The following MRTFA variants were observed in gnomAD, a reference collection of about 807,000 sequenced individuals.
MRTFA encodes myocardin related transcription factor A, also known as myocardin-related transcription factor A.
MRTFA carries 20 observed loss-of-function variants against 83.5 expected under a neutral mutation model. That is an observed-to-expected ratio of 0.24 (90% confidence interval 0.17 to 0.35). The LOEUF (loss-of-function observed/expected upper bound fraction) is 0.35, where lower values mean the gene tolerates loss of function less well. MRTFA is among the 10% of genes least tolerant of loss of function. The probability of loss-of-function intolerance (pLI) is 1.00; values close to 1 mark genes in which losing one functional copy is unlikely to be tolerated. For missense variants in MRTFA, 1,200 were observed against 1,224.7 expected, an observed-to-expected ratio of 0.98 and a Z score of 0.30; for synonymous variants, 659 against 541.2, an observed-to-expected ratio of 1.22 and a Z score of -3.02.
At chr22:40,420,167 C>T (rs2052798329) in intron 11 of MRTFA, among the ~76,000 whole-genome samples, 1 of 152,226 alleles carries the variant, frequency 6.6e-6, no homozygotes, top group Non-Finnish European at 1.5e-5. Flanking sequence ...GCTGTGCTGC[C>T]AACAACAGGA....
At chr22:40,534,768 G>GT (rs1336322024) in intron 3 of MRTFA, among the ~76,000 whole-genome samples, 2 of 152,216 alleles carry the variant, frequency 1.3e-5, no homozygotes, top group Non-Finnish European at 2.9e-5. Context: ...AAGAATCCAT[G>GT]TTTGGTGTGT....
chr22:40,453,479 T>C (rs942233270), intron 4 of MRTFA, among the ~76,000 whole-genome samples: 16 of 152,282 alleles, frequency 1.1e-4, no homozygotes, highest in Middle Eastern at 6.8e-3. Flanking sequence ...GGGTGGATCA[T>C]AGCCAAACTT....
chr22:40,569,586 C>T lies in MRTFA; in HGVS notation c.-21-17219G>A, dbSNP rs777098956. On this transcript the variant is annotated intron_variant, in intron 2 of 14. Coordinates refer to ENST00000355630, the MANE Select transcript of MRTFA (RefSeq NM_020831.6). The stretch of plus-strand genomic sequence containing the variant: ...TAAAAATACAAAAATTAGTTGGGCA[C>T]GATGGCAGCTGCCTGTAATCTCAGC... 5.3e-5 allele frequency among the ~76,000 whole-genome samples: 8 copies of T among 152,112 alleles called. 1 individual carries two copies. The South Asian group carries it at 6.2e-4, about 12-fold the overall frequency.
At chr22:40,609,284 C>T (rs2056355935) in intron 1 of MRTFA, among the ~76,000 whole-genome samples, 1 of 144,092 alleles carries the variant, frequency 6.9e-6, no homozygotes, top group African/African-American at 2.6e-5. Flanking sequence ...GAGCAAGACT[C>T]CTTCTCAAAA....
At chr22:40,628,819 C>T (rs116883010) in intron 1 of MRTFA, among the ~76,000 whole-genome samples, 78 of 152,250 alleles carry the variant, frequency 5.1e-4, no homozygotes, top group Admixed American at 2.7e-3. Context: ...AGTGCCTCCT[C>T]CCACTAAACA....
At position 40,538,985 on chromosome 22, in the gene MRTFA, C is replaced by CTTTTTTTTTTTTTTTTTTTTTTTTTTT. The variant is rs201694198; in HGVS notation, c.241+13120_241+13121insAAAAAAAAAAAAAAAAAAAAAAAAAAA. 6.5e-5 allele frequency among the ~76,000 whole-genome samples: 7 copies of CTTTTTTTTTTTTTTTTTTTTTTTTTTT among 106,888 alleles called. 3 individuals carry two copies. Among genetic ancestry groups the CTTTTTTTTTTTTTTTTTTTTTTTTTTT allele is most frequent in the Admixed American group, 2.5e-4 (2 of 8,100 alleles). The allele number at this position is 106,888 out of a possible 152,430, so 70.1% of individuals were successfully genotyped here. A position where few individuals can be genotyped will look rare whatever the true frequency, so the allele number is the denominator to read the frequency against. ...GACATTATACTGCAGGATACACAGC[C>CTTTTTTTTTTTTTTTTTTTTTTTTTTT]TTTTGTTTTTTTTTTTTTTTTTTTT... is the stretch of plus-strand genomic sequence containing the variant. On this transcript the variant is annotated intron_variant, in intron 3 of 14. Coordinates refer to ENST00000355630, the MANE Select transcript of MRTFA (RefSeq NM_020831.6).
chr22:40,507,680 G>A (rs1269919323), intron 3 of MRTFA, among the ~76,000 whole-genome samples: 3 of 151,882 alleles, frequency 2.0e-5, no homozygotes, highest in East Asian at 3.9e-4. Context: ...TAAAGAAGTT[G>A]ATTTAGGCCA....
intron 3 of MRTFA, among the ~76,000 whole-genome samples, chr22:40,536,321 C>A (rs891728188): frequency 6.6e-6 from 1 of 151,224 alleles, no homozygotes; most frequent in African/African-American, 2.4e-5. Context: ...AATAAATGGG[C>A]CGAAGCCGCC....
chr22:40,560,982 G>A (rs112877506), intron 2 of MRTFA, among the ~76,000 whole-genome samples: 11 of 152,250 alleles, frequency 7.2e-5, no homozygotes, highest in East Asian at 3.9e-4. Context: ...GGTTCTATGC[G>A]ACCAAATGGT....
chr22:40,621,025 C>CA (rs765619473), intron 1 of MRTFA, among the ~76,000 whole-genome samples: 1 of 151,566 alleles, frequency 6.6e-6, no homozygotes, highest in Non-Finnish European at 1.5e-5. Flanking sequence ...ACAAAAAATA[C>CA]AAAAAATGAG....
Position 40,420,475 on chromosome 22 carries a change from A to G in MRTFA, c.1283T>C (p.Leu428Pro). ...CAGTGAGGTGCTGTTCTGACGTGCC[A>G]GCCCACAGGGCCCAGGGGCGCCCGA... is the stretch of plus-strand genomic sequence containing the variant. The change falls in exon 11 of 15, where the codon CTG becomes CCG. Residue 428 changes from leucine (L) to proline (P), a missense_variant. Around this residue, in one of 2 missense-constraint regions of MRTFA, gnomAD observed 1,107 missense variants for 1,041.8 expected, o/e 1.06. Transcript: ENST00000355630. The G allele has an allele frequency of 6.2e-7, 1 of 1,613,800 alleles. No homozygotes were observed. Among genetic ancestry groups the G allele is most frequent in the South Asian group, 1.1e-5 (1 of 91,088 alleles).
rs936218021 is a variant in MRTFA, at chr22:40,636,498, C to T, written c.-104G>A. On this transcript the variant is annotated 5_prime_UTR_variant, in exon 1 of 15. Transcript: ENST00000355630. ...CTCACCGCCTCGCGCGGCTCCCGGC[C>T]GGGTTCCGCGGCTCGCCCCACTCCG... The T allele has an allele frequency of 2.1e-4, 32 of 152,498 alleles. No individual in the cohort carries two copies. Among genetic ancestry groups the T allele is most frequent in the African/African-American group, 7.5e-4 (31 of 41,596 alleles). The allele number at this position is 152,498 out of a possible 1,614,324, so 9.4% of individuals were successfully genotyped here. A position where few individuals can be genotyped will look rare whatever the true frequency, so the allele number is the denominator to read the frequency against.
chr22:40,422,310 A>G (rs2052858002), intron 9 of MRTFA, among the ~76,000 whole-genome samples: 1 of 152,190 alleles, frequency 6.6e-6, no homozygotes, highest in African/African-American at 2.4e-5. Flanking sequence ...CCCTGAAGAT[A>G]ATGTTTCAGT....
chr22:40,604,377 G>A (rs970293609), intron 1 of MRTFA, among the ~76,000 whole-genome samples: 2 of 151,592 alleles, frequency 1.3e-5, no homozygotes, highest in Admixed American at 6.6e-5. Context: ...TAACCCGCCC[G>A]CCTCGGCCTC....
intron 4 of MRTFA, among the ~76,000 whole-genome samples, chr22:40,436,779 A>G (rs1354428876): frequency 6.6e-6 from 1 of 152,244 alleles, no homozygotes; most frequent in African/African-American, 2.4e-5. Flanking sequence ...CTCCTGCCCT[A>G]GAATTTCCAA....
rs1379953388 is a variant in MRTFA at position 40,411,658 on chromosome 22, A to G, written c.2828T>C (p.Leu943Pro). The change falls in exon 15 of 15, where the codon CTC becomes CCC. Residue 943 changes from leucine (L) to proline (P), a missense_variant. Physicochemically the swap from Leu to Pro is moderately conservative, Grantham distance 98. Coordinates refer to ENST00000355630, the MANE Select transcript of MRTFA (RefSeq NM_020831.6). The stretch of plus-strand genomic sequence containing the variant: ...AGTGCTGCTCAGCATCTGGCTATGG[A>G]GGTCGTCAATGAGGGAAAGGGGCTC... 6.2e-7 allele frequency: 1 copy of G among 1,611,618 alleles called. No homozygotes were observed. Among genetic ancestry groups the G allele is most frequent in the Non-Finnish European group, 8.5e-7 (1 of 1,178,734 alleles).
At chr22:40,613,687 C>T (rs982261979) in intron 1 of MRTFA, among the ~76,000 whole-genome samples, 4 of 151,666 alleles carry the variant, frequency 2.6e-5, no homozygotes, top group Admixed American at 2.0e-4. Context: ...GAGACCCTGT[C>T]TCTAGAAAAA....
At chr22:40,506,226 G>A (rs1483102896) in intron 3 of MRTFA, among the ~76,000 whole-genome samples, 1 of 152,174 alleles carries the variant, frequency 6.6e-6, no homozygotes, top group African/African-American at 2.4e-5. Flanking sequence ...CTGGGCGACA[G>A]AGCGAGACTC....
intron 3 of MRTFA, chr22:40,519,589 T>C: frequency 7.5e-7 from 1 of 1,335,294 alleles, no homozygotes; most frequent in Non-Finnish European, 9.9e-7. Context: ...CGCTGATTTG[T>C]TATACCCAAT....
Sources: gnomAD v4.1 joint callset for allele counts (sites outside exome capture counted in the v4.1 genomes callset) on GRCh38, gnomAD v4.1.1 for gene constraint, gnomAD v4.1.1 regional missense constraint, MANE v1.5 for transcripts, NCBI Gene and HGNC (gene_info 2026-07-23, HGNC 2026-07-21) for gene names.